The following SAMD5 variants were observed in gnomAD, a reference collection of about 807,000 sequenced individuals.
SAMD5 encodes the protein sterile alpha motif domain-containing protein 5.
SAMD5 carries 13 observed loss-of-function variants against 11.3 expected under a neutral mutation model. The observed-to-expected ratio is 1.15, with a 90% CI of 0.75 to 1.83. The LOEUF (loss-of-function observed/expected upper bound fraction) is 1.83, where lower values mean the gene tolerates loss of function less well. SAMD5 is among the 40% of genes most tolerant of loss of function. The pLI, the probability that SAMD5 is intolerant of heterozygous loss-of-function variation, is 0.00. For synonymous variants in SAMD5, 129 were observed against 111.3 expected, an observed-to-expected ratio of 1.16 and a Z score of -1.00; for missense variants, 255 against 239.1, an observed-to-expected ratio of 1.07 and a Z score of -0.44.
chr6:147,574,825 T>G (rs992608208), downstream of SAMD5, among the ~76,000 whole-genome samples: 4 of 152,162 alleles, frequency 2.6e-5, no homozygotes, highest in Non-Finnish European at 4.4e-5. Flanking sequence ...CTACTCATAT[T>G]TTAAAGGCCT....
the SAMD5 span, among the ~76,000 whole-genome samples, chr6:147,899,880 C>T: frequency 1.3e-5 from 2 of 152,278 alleles, no homozygotes; most frequent in African/African-American, 4.8e-5. Flanking sequence ...ATTTTTTTAG[C>T]TGGGCCCCTT....
chr6:147,568,499 C>A lies in SAMD5; in HGVS notation c.*4043C>A. ...GGCAAATAAGGCATGAAGGGTGGAA[C>A]ATTGCATCTAGGGAAAATAAGAGAA... On this transcript the variant is annotated 3_prime_UTR_variant, in exon 2 of 2. Coordinates refer to ENST00000367474, the MANE Select transcript of SAMD5 (RefSeq NM_001030060.3). The A allele has an allele frequency of 1.0e-6, 1 of 985,324 alleles. No homozygotes were observed. The highest frequency in any genetic ancestry group is 4.7e-5 in the South Asian group (1 of 21,288). 61.0% of individuals were successfully genotyped at this position (985,324 alleles called of 1,614,324 possible).
At chr6:147,890,032 G>A in the SAMD5 span, among the ~76,000 whole-genome samples, 283 of 152,234 alleles carry the variant, frequency 1.9e-3, 3 homozygotes, top group Middle Eastern at 0.014. Flanking sequence ...AAACTCTCTC[G>A]AGACAGTAGG....
In SAMD5 at chr6:147,713,999, T is replaced by C. The variant is rs1791432953; in HGVS notation, c.163-23318T>C. ...GGTCTGTATTTTTACTTCTGTGCATTTGTGGAATTAACTGACTCCACTTAA... is the reference window on the plus strand; with the variant it reads ...GGTCTGTATTTTTACTTCTGTGCATCTGTGGAATTAACTGACTCCACTTAA... On this transcript the variant is annotated intron_variant, in intron 1 of 1. Transcript: ENST00000566741. Among the ~76,000 whole-genome samples, 3 of 152,192 alleles carry C rather than the reference T, an allele frequency of 2.0e-5. No homozygotes were observed. The East Asian group carries it at 5.8e-4, about 29-fold the overall frequency.
downstream of SAMD5, among the ~76,000 whole-genome samples, chr6:147,741,041 G>A (rs1482754539): frequency 3.9e-5 from 6 of 152,162 alleles, no homozygotes; most frequent in Admixed American, 6.5e-5. Context: ...ATACATTCAA[G>A]TATTCACCAT....
chr6:147,933,770 T>C, the SAMD5 span, among the ~76,000 whole-genome samples: 1 of 152,196 alleles, frequency 6.6e-6, no homozygotes, highest in Non-Finnish European at 1.5e-5. Context: ...GAGCACAAAT[T>C]GGACACATTC....
At chr6:147,940,163 G>A in the SAMD5 span, among the ~76,000 whole-genome samples, 1 of 151,348 alleles carries the variant, frequency 6.6e-6, no homozygotes, top group African/African-American at 2.4e-5. Context: ...GAGAATATCA[G>A]TGTCAAGAGA....
chr6:147,547,200 G>A (rs1788700454), intron 1 of SAMD5, among the ~76,000 whole-genome samples: 1 of 152,186 alleles, frequency 6.6e-6, no homozygotes. Flanking sequence ...GTTTTCTATT[G>A]CTGCATAATA....
chr6:147,690,377 A>G (rs1360691266), intron 1 of SAMD5, among the ~76,000 whole-genome samples: 1 of 152,220 alleles, frequency 6.6e-6, no homozygotes, highest in African/African-American at 2.4e-5. Flanking sequence ...TCCCATTTCT[A>G]GGCTGGGAGT....
At chr6:147,820,173 T>G in the SAMD5 span, among the ~76,000 whole-genome samples, 2 of 152,316 alleles carry the variant, frequency 1.3e-5, no homozygotes, top group African/African-American at 4.8e-5. Flanking sequence ...TTCCTTTATC[T>G]CCATTATTTC....
the SAMD5 span, among the ~76,000 whole-genome samples, chr6:147,762,455 T>C: frequency 6.6e-6 from 1 of 152,140 alleles, no homozygotes; most frequent in African/African-American, 2.4e-5. Flanking sequence ...TGCCTCAGCC[T>C]CCCAAAGTGC....
intron 1 of SAMD5, among the ~76,000 whole-genome samples, chr6:147,660,082 T>A (rs1790626143): frequency 5.9e-5 from 9 of 152,160 alleles, no homozygotes; most frequent in Admixed American, 5.9e-4. Context: ...AGCTTTGAGG[T>A]TGCTGCACAG....
intron 1 of SAMD5, among the ~76,000 whole-genome samples, chr6:147,728,761 T>G (rs1333436463): frequency 6.6e-6 from 1 of 152,218 alleles, no homozygotes; most frequent in Non-Finnish European, 1.5e-5. Flanking sequence ...TATAAAACTC[T>G]AAAACACAAG....
chr6:147,916,640 T>C, the SAMD5 span, among the ~76,000 whole-genome samples: 3 of 152,048 alleles, frequency 2.0e-5, no homozygotes, highest in Non-Finnish European at 4.4e-5. Context: ...GGTGCCATGC[T>C]GGTGTGCTGC....
chr6:147,752,419 A>G, the SAMD5 span, among the ~76,000 whole-genome samples: 1 of 152,218 alleles, frequency 6.6e-6, no homozygotes, highest in Non-Finnish European at 1.5e-5. Flanking sequence ...GAATTTTTCA[A>G]TATACATACT....
chr6:147,569,224 AAAAAAAAAAAAG>A lies in SAMD5; in HGVS notation c.*4773_*4784del, dbSNP rs963802852. The A allele has an allele frequency of 9.2e-5, 31 of 336,030 alleles. 1 individual carries two copies. The East Asian group carries it at 5.0e-3, about 54-fold the overall frequency. The allele number at this position is 336,030 out of a possible 1,614,324, so 20.8% of individuals were successfully genotyped here. ...CAACAGAGTGAGACTCTGTCTAAAAAAAAAAAAAAAAGAAAAGAAAAAAGAAAAATTGAAGAA... is the reference window on the plus strand; with the variant it reads ...CAACAGAGTGAGACTCTGTCTAAAAAAAAAGAAAAAAGAAAAATTGAAGAA... On this transcript the variant is annotated 3_prime_UTR_variant, in exon 2 of 2. Coordinates refer to ENST00000367474, the MANE Select transcript of SAMD5 (RefSeq NM_001030060.3).
chr6:147,767,080 CTGTT>C, the SAMD5 span, among the ~76,000 whole-genome samples: 1 of 152,168 alleles, frequency 6.6e-6, no homozygotes, highest in East Asian at 1.9e-4. Flanking sequence ...TAAATGGTGA[CTGTT>C]TAACCAAAAG....
At chr6:147,729,376 A>G (rs1303933076) in intron 1 of SAMD5, among the ~76,000 whole-genome samples, 1 of 152,150 alleles carries the variant, frequency 6.6e-6, no homozygotes, top group Non-Finnish European at 1.5e-5. Context: ...GACAAGATTG[A>G]CCTTGCAAAA....
At chr6:147,658,253 T>C (rs1418400914) in intron 1 of SAMD5, among the ~76,000 whole-genome samples, 3 of 152,144 alleles carry the variant, frequency 2.0e-5, no homozygotes, top group Non-Finnish European at 4.4e-5. Flanking sequence ...GAAGATTGTC[T>C]GGGAATCAGT....
Sources: gnomAD v4.1 joint callset for allele counts (sites outside exome capture counted in the v4.1 genomes callset) on GRCh38, gnomAD v4.1.1 for gene constraint, MANE v1.5 for transcripts, NCBI Gene and HGNC (gene_info 2026-07-23, HGNC 2026-07-21) for gene names.